Variants in TMEM132B observed in about 807,000 individuals in gnomAD.
TMEM132B encodes the protein transmembrane protein 132B.
In TMEM132B, 18 loss-of-function variants were observed where a neutral mutation model predicts 90.8. The ratio of observed to expected loss-of-function variants is 0.20; its 90% CI spans 0.14 to 0.29. The LOEUF (loss-of-function observed/expected upper bound fraction) is 0.29. Ranked by LOEUF, TMEM132B falls within the 10% of genes least tolerant of loss-of-function variation. The pLI is 1.00. For synonymous variants in TMEM132B, 504 were observed against 523.3 expected, an observed-to-expected ratio of 0.96 and a Z score of 0.50; for missense variants, 1,096 against 1,326.8, an observed-to-expected ratio of 0.83 and a Z score of 2.70.
At chr12:125,636,487 T>C (rs1886482512) in intron 5 of TMEM132B, among the ~76,000 whole-genome samples, 1 of 152,208 alleles carries the variant, frequency 6.6e-6, no homozygotes. Flanking sequence ...CCAAATTCTC[T>C]GATGTTCTGA....
At chr12:125,313,607 C>G (rs1048736570) in intron 1 of TMEM132B, among the ~76,000 whole-genome samples, 1 of 81,222 alleles carries the variant, frequency 1.2e-5, no homozygotes, top group Non-Finnish European at 2.5e-5. Context: ...CTCCCCTCCC[C>G]TTTCCCTCTC....
chr12:125,455,882 G>T (rs894201155), intron 3 of TMEM132B, among the ~76,000 whole-genome samples: 4 of 152,154 alleles, frequency 2.6e-5, no homozygotes, highest in Non-Finnish European at 5.9e-5. Flanking sequence ...ACCTCAGGGT[G>T]ATTCTGGAGT....
intron 5 of TMEM132B, chr12:125,622,550 C>A: frequency 1.0e-6 from 1 of 985,322 alleles, no homozygotes; most frequent in Non-Finnish European, 1.2e-6. Flanking sequence ...GCTTTCACAT[C>A]AAGCCTTCCT....
At chr12:125,376,174 G>A (rs1218735018) in intron 2 of TMEM132B, among the ~76,000 whole-genome samples, 1 of 152,220 alleles carries the variant, frequency 6.6e-6, no homozygotes, top group Non-Finnish European at 1.5e-5. Context: ...ATCCCAGGCT[G>A]GGAGGCTTTG....
Position 125,653,517 on chromosome 12 carries a change from G to A in TMEM132B, c.2107-48G>A, listed in dbSNP as rs79469599. ...GGAAATTATACTTATGTTTTCAAATGTGAAGGAATCTGATTATAACATAAT... is the reference window on the plus strand; with the variant it reads ...GGAAATTATACTTATGTTTTCAAATATGAAGGAATCTGATTATAACATAAT... On this transcript the variant is annotated intron_variant, in intron 8 of 8. Coordinates refer to ENST00000682704, the MANE Select transcript of TMEM132B (RefSeq NM_001366854.1). The A allele has an allele frequency of 7.8e-6, 12 of 1,531,066 alleles. No individual in the cohort carries two copies. The East Asian group carries it at 1.4e-4, about 17-fold the overall frequency. The allele number at this position is 1,531,066 out of a possible 1,614,324, so 94.8% of individuals were successfully genotyped here. A position where few individuals can be genotyped will look rare whatever the true frequency, so the allele number is the denominator to read the frequency against.
intron 3 of TMEM132B, among the ~76,000 whole-genome samples, chr12:125,506,367 G>A (rs988214301): frequency 1.3e-5 from 2 of 152,170 alleles, no homozygotes; most frequent in African/African-American, 4.8e-5. Flanking sequence ...TGGGGAGTGT[G>A]GCAAGCGAGT....
At chr12:125,526,395 A>G (rs1883463382) in intron 4 of TMEM132B, among the ~76,000 whole-genome samples, 1 of 152,162 alleles carries the variant, frequency 6.6e-6, no homozygotes, top group African/African-American at 2.4e-5. Flanking sequence ...TACAGGCCCC[A>G]GTTGGCCGTG....
chr12:125,540,613 A>G (rs1883928446), intron 4 of TMEM132B, among the ~76,000 whole-genome samples: 1 of 152,176 alleles, frequency 6.6e-6, no homozygotes, highest in South Asian at 2.1e-4. Context: ...TTTATCTGAT[A>G]CTGTTATAGC....
At chr12:125,561,927 G>A (rs1360245939) in intron 4 of TMEM132B, among the ~76,000 whole-genome samples, 1 of 152,160 alleles carries the variant, frequency 6.6e-6, no homozygotes, top group Non-Finnish European at 1.5e-5. Context: ...AAGAGAGTCA[G>A]CCTATCCTGT....
At chr12:125,384,239 G>A (rs949262288) in intron 2 of TMEM132B, among the ~76,000 whole-genome samples, 2 of 152,164 alleles carry the variant, frequency 1.3e-5, no homozygotes, top group Non-Finnish European at 2.9e-5. Context: ...CATCACGCCC[G>A]GCTGAAACTC....
At position 125,408,536 on chromosome 12, in the gene TMEM132B, C is replaced by T. The variant is rs1054175998; in HGVS notation, c.960-6995C>T. Among the ~76,000 whole-genome samples, 1 of 152,216 alleles carries T rather than the reference C, an allele frequency of 6.6e-6. No homozygotes were observed. Among genetic ancestry groups the T allele is most frequent in the Admixed American group, 6.5e-5 (1 of 15,284 alleles). ...CTGACATCTTGCTCTTGGACTTCAG[C>T]CTCCAGAACTGTGAGAAATAAATTT... is the stretch of plus-strand genomic sequence containing the variant. On this transcript the variant is annotated intron_variant, in intron 2 of 8. Transcript: ENST00000682704. This position sits in a 1 kb window ranked among gnomAD's most constrained non-coding sequence, Gnocchi z 5.9.
At chr12:125,262,231 A>C (rs537794062) in intron 1 of TMEM132B, among the ~76,000 whole-genome samples, 1 of 146,586 alleles carries the variant, frequency 6.8e-6, no homozygotes, top group Non-Finnish European at 1.5e-5. Context: ...CAACATAACA[A>C]GACCCTGTTT....
intron 2 of TMEM132B, among the ~76,000 whole-genome samples, chr12:125,382,046 G>A (rs964007077): frequency 5.9e-5 from 9 of 152,086 alleles, no homozygotes; most frequent in African/African-American, 1.9e-4. Flanking sequence ...CCTATTCTAC[G>A]AGATGCCCAA....
intron 3 of TMEM132B, among the ~76,000 whole-genome samples, chr12:125,516,925 G>T (rs1883175583): frequency 6.6e-6 from 1 of 152,350 alleles, no homozygotes; most frequent in East Asian, 1.9e-4. Flanking sequence ...GAGAATTTCT[G>T]TGACTAGTGA....
intron 2 of TMEM132B, among the ~76,000 whole-genome samples, chr12:125,370,974 C>T (rs2136270548): frequency 6.6e-6 from 1 of 152,346 alleles, no homozygotes; most frequent in Middle Eastern, 3.4e-3. Flanking sequence ...GTGGCTTATT[C>T]TGAGTCCCAA....
chr12:125,568,312 C>T (rs1437417045), intron 4 of TMEM132B, among the ~76,000 whole-genome samples: 2 of 152,164 alleles, frequency 1.3e-5, no homozygotes, highest in Non-Finnish European at 2.9e-5. Flanking sequence ...TGTTTTGATA[C>T]AGGCATGCAA....
chr12:125,366,133 G>A (rs1396122033), intron 2 of TMEM132B, among the ~76,000 whole-genome samples: 9 of 151,472 alleles, frequency 5.9e-5, no homozygotes, highest in Admixed American at 1.3e-4. Context: ...TTGTCTTTCT[G>A]TGCCTGGCTT....
At chr12:125,395,025 C>A (rs1373544789) in intron 2 of TMEM132B, among the ~76,000 whole-genome samples, 1 of 152,176 alleles carries the variant, frequency 6.6e-6, no homozygotes, top group Non-Finnish European at 1.5e-5. Context: ...GCACAGGTAC[C>A]TCCTGAGTCT....
intron 4 of TMEM132B, among the ~76,000 whole-genome samples, chr12:125,580,487 C>G (rs531776196): frequency 6.6e-6 from 1 of 152,262 alleles, no homozygotes; most frequent in South Asian, 2.1e-4. Flanking sequence ...TGAAAGATCT[C>G]CAGCCCTGAC....
Sources: allele counts gnomAD v4.1 joint callset (sites outside exome capture counted in the v4.1 genomes callset), GRCh38; gene constraint gnomAD v4.1.1; non-coding constraint Gnocchi (gnomAD v3.1); transcripts MANE v1.5; gene names NCBI Gene and HGNC (gene_info 2026-07-23, HGNC 2026-07-21).